Variants in RAB9B observed in about 807,000 individuals in gnomAD.
RAB9B encodes RAB9B, member RAS oncogene family.
A neutral mutation model predicts 8.9 loss-of-function variants in RAB9B; 1 was observed. The observed-to-expected ratio is 0.11, with a 90% CI of 0.04 to 0.53. The LOEUF (loss-of-function observed/expected upper bound fraction) is 0.53, where lower values mean the gene tolerates loss of function less well. Ranked by LOEUF, RAB9B falls within the 20% of genes least tolerant of loss-of-function variation. RAB9B has a pLI of 0.93. For missense variants in RAB9B, 82 were observed against 152.9 expected, an observed-to-expected ratio of 0.54 and a Z score of 2.45; for synonymous variants, 63 against 57.0, an observed-to-expected ratio of 1.10 and a Z score of -0.47.
chrX:103,825,527 G>A lies in RAB9B; in HGVS notation c.258C>T (p.Thr86=), dbSNP rs144576524. The change falls in exon 3 of 3, where the codon ACC becomes ACT. Residue 86 remains threonine (T), a synonymous_variant. Transcript: ENST00000243298. ...FYRGADCCLL[T]FSVDDRQSFE... is the part of the protein sequence containing the mutation. Reference sequence around the variant, plus strand: ...AGCTCTGCCGATCATCCACGCTGAAGGTCAAGAGGCAGCAGTCTGCTCCCC... The same window carrying A: ...AGCTCTGCCGATCATCCACGCTGAAAGTCAAGAGGCAGCAGTCTGCTCCCC... 5.0e-6 allele frequency: 6 copies of A among 1,209,894 alleles called. No homozygotes were observed. The highest frequency in any genetic ancestry group is 6.7e-6 in the Non-Finnish European group (6 of 895,274).
At chrX:103,809,787 G>A in the RAB9B span, among the ~76,000 whole-genome samples, 1 of 109,778 alleles carries the variant, frequency 9.1e-6, no homozygotes, top group South Asian at 3.9e-4. Flanking sequence ...ATTCTTTCAG[G>A]TATTCATTCT....
the RAB9B span, among the ~76,000 whole-genome samples, chrX:103,809,424 C>A: frequency 1.8e-5 from 2 of 111,871 alleles, no homozygotes; most frequent in African/African-American, 3.3e-5. Flanking sequence ...CCTCAGCCTC[C>A]CGAGTAGCTG....
chrX:103,803,947 G>A, the RAB9B span, among the ~76,000 whole-genome samples: 1 of 112,531 alleles, frequency 8.9e-6, no homozygotes, highest in South Asian at 3.6e-4. Context: ...CATTCTTTGT[G>A]TTGTCTTAAC....
the RAB9B span, among the ~76,000 whole-genome samples, chrX:103,811,539 T>C: frequency 1.2e-4 from 13 of 111,948 alleles, no homozygotes; most frequent in East Asian, 3.4e-3. Flanking sequence ...TTAAAATCTC[T>C]GCCAGAATGT....
chrX:103,799,673 G>A, the RAB9B span, among the ~76,000 whole-genome samples: 1 of 111,911 alleles, frequency 8.9e-6, no homozygotes, highest in African/African-American at 3.2e-5. Context: ...CAATAACGCT[G>A]TTTTAAAATT....
At chrX:103,786,421 A>T in the RAB9B span, 1 of 1,182,080 alleles carries the variant, frequency 8.5e-7, no homozygotes, top group Non-Finnish European at 1.1e-6. Context: ...CAGGTCTTCA[A>T]TTAATAAGAT....
In RAB9B at chrX:103,823,434, G is replaced by C. The variant is rs1602400914; in HGVS notation, c.*1745C>G. ...TTTTCTATTTGGCCAATATGTCCCA[G>C]AGCTCTTAAAGCACAAAGGTCCTAC... On this transcript the variant is annotated 3_prime_UTR_variant, in exon 3 of 3. Coordinates refer to ENST00000243298, the MANE Select transcript of RAB9B (RefSeq NM_016370.4). 1.8e-5 allele frequency: 2 copies of C among 111,762 alleles called. No individual in the cohort carries two copies. Among genetic ancestry groups the C allele is most frequent in the African/African-American group, 6.5e-5 (2 of 30,742 alleles). The allele number at this position is 111,762 out of a possible 1,213,427, so 9.2% of individuals were successfully genotyped here. A position where few individuals can be genotyped will look rare whatever the true frequency, so the allele number is the denominator to read the frequency against.
At position 103,823,922 on chromosome X, in the gene RAB9B, C is replaced by T. The variant is rs1026966443; in HGVS notation, c.*1257G>A. ...TATCATCAGATAAATCTAACCACAG[C>T]ATGGCACTGATGTAGTTTATATATT... On this transcript the variant is annotated 3_prime_UTR_variant, in exon 3 of 3. Coordinates refer to ENST00000243298, the MANE Select transcript of RAB9B (RefSeq NM_016370.4). 6 of 112,307 alleles carry T rather than the reference C, an allele frequency of 5.3e-5. No homozygotes were observed. Among genetic ancestry groups the T allele is most frequent in the Admixed American group, 2.8e-4 (3 of 10,572 alleles). The allele number at this position is 112,307 out of a possible 1,213,427, so 9.3% of individuals were successfully genotyped here. A position where few individuals can be genotyped will look rare whatever the true frequency, so the allele number is the denominator to read the frequency against.
chrX:103,792,133 G>A, the RAB9B span: 1 of 110,108 alleles, frequency 9.1e-6, no homozygotes, highest in Non-Finnish European at 1.9e-5. Flanking sequence ...AAAAAAAAAA[G>A]TCTGATTGGT....
the RAB9B span, among the ~76,000 whole-genome samples, chrX:103,812,771 AC>A: frequency 9.1e-6 from 1 of 109,971 alleles, no homozygotes; most frequent in African/African-American, 3.3e-5. Flanking sequence ...TGATGCCTAA[AC>A]CCTGCTTTGC....
the RAB9B span, among the ~76,000 whole-genome samples, chrX:103,778,219 G>A: frequency 5.3e-5 from 6 of 112,443 alleles, no homozygotes; most frequent in African/African-American, 1.9e-4. Context: ...TCAGGGTTGT[G>A]AGAATCAAGT....
the RAB9B span, chrX:103,788,386 G>A: frequency 1.1e-6 from 1 of 898,364 alleles, no homozygotes; most frequent in East Asian, 3.1e-5. Context: ...TCTCCATGTG[G>A]CCCCGTAACT....
downstream of RAB9B, among the ~76,000 whole-genome samples, chrX:103,820,059 A>G (rs1229165288): frequency 8.9e-6 from 1 of 111,825 alleles, no homozygotes; most frequent in African/African-American, 3.3e-5. Context: ...CCCCTTCCAC[A>G]GAGCTGGAAG....
the RAB9B span, among the ~76,000 whole-genome samples, chrX:103,790,163 G>A: frequency 8.9e-6 from 1 of 112,463 alleles, no homozygotes; most frequent in Non-Finnish European, 1.9e-5. Context: ...ATGTGGCTGT[G>A]TGTCTACAGC....
Position 103,824,158 on chromosome X carries a change from T to C in RAB9B, c.*1021A>G, listed in dbSNP as rs914883042. The C allele has an allele frequency of 1.8e-5, 2 of 112,326 alleles. No homozygotes were observed. The highest frequency in any genetic ancestry group is 9.4e-5 in the Admixed American group (1 of 10,589). 9.3% of individuals were successfully genotyped at this position (112,326 alleles called of 1,213,427 possible). ...AGATCTGCTCTTCTGTCACTTTCAA[T>C]GTCCTAATTAGGCTAGTTGAACATA... On this transcript the variant is annotated 3_prime_UTR_variant, in exon 3 of 3. Coordinates refer to ENST00000243298, the MANE Select transcript of RAB9B (RefSeq NM_016370.4).
At chrX:103,802,150 T>G in the RAB9B span, among the ~76,000 whole-genome samples, 1 of 100,827 alleles carries the variant, frequency 9.9e-6, no homozygotes, top group Non-Finnish European at 2.0e-5. Flanking sequence ...GTGCCTGAGG[T>G]GAGAGAGGAA....
At chrX:103,786,513 C>T in the RAB9B span, 3 of 1,210,111 alleles carry the variant, frequency 2.5e-6, no homozygotes, top group African/African-American at 3.5e-5. Context: ...CTTTCTTCTT[C>T]CTTTATGGGG....
the RAB9B span, chrX:103,789,310 C>T: frequency 8.7e-7 from 1 of 1,151,126 alleles, no homozygotes; most frequent in Admixed American, 2.2e-5. Context: ...AGAAACAGTT[C>T]TTCCTCTTTC....
the RAB9B span, chrX:103,788,829 A>G: frequency 3.0e-6 from 1 of 331,349 alleles, no homozygotes; most frequent in Admixed American, 4.9e-5. Context: ...GTTAAAAACC[A>G]TATCAAGAAA....
Sources: allele counts gnomAD v4.1 joint callset (sites outside exome capture counted in the v4.1 genomes callset), GRCh38; gene constraint gnomAD v4.1.1; transcripts MANE v1.5; gene names NCBI Gene and HGNC (gene_info 2026-07-23, HGNC 2026-07-21).